MTREX: variants seen among roughly 807,000 people sequenced by gnomAD.
MTREX encodes the protein Mtr4 exosome RNA helicase, also known as exosome RNA helicase MTR4.
A neutral mutation model predicts 135.4 loss-of-function variants in MTREX; 76 were observed. That is an observed-to-expected ratio of 0.56 (90% CI 0.47 to 0.68). The LOEUF (loss-of-function observed/expected upper bound fraction) is 0.68. Ranked by LOEUF, MTREX falls within the 30% of genes least tolerant of loss-of-function variation. MTREX has a pLI of 0.00. For missense variants in MTREX, 920 were observed against 1,262.1 expected, an observed-to-expected ratio of 0.73 and a Z score of 4.11; for synonymous variants, 404 against 401.6, an observed-to-expected ratio of 1.01 and a Z score of -0.07.
chr5:55,330,462 T>C (rs1238615754), intron 5 of MTREX, among the ~76,000 whole-genome samples: 1 of 152,076 alleles, frequency 6.6e-6, no homozygotes. Flanking sequence ...CTTCCTTTTT[T>C]TCGTAATGTT....
intron 24 of MTREX, among the ~76,000 whole-genome samples, chr5:55,414,841 G>A (rs1477522820): frequency 2.6e-5 from 4 of 152,098 alleles, no homozygotes; most frequent in African/African-American, 9.7e-5. Context: ...GTAGAGACGA[G>A]GTTTCACCAT....
intron 16 of MTREX, among the ~76,000 whole-genome samples, chr5:55,375,170 A>G (rs1049706420): frequency 2.6e-5 from 4 of 152,220 alleles, no homozygotes; most frequent in African/African-American, 9.6e-5. Context: ...TAAAATTGCT[A>G]ATGAAGTTTC....
chr5:55,415,921 T>G, intron 24 of MTREX, 49 bp from the exon 25 acceptor site: 1 of 1,321,958 alleles, frequency 7.6e-7, no homozygotes, highest in Non-Finnish European at 1.0e-6. Context: ...AAGAATAAAG[T>G]GATATGGGAG....
At chr5:55,380,026 C>G (rs1579882183) in intron 18 of MTREX, among the ~76,000 whole-genome samples, 4 of 152,292 alleles carry the variant, frequency 2.6e-5, no homozygotes, top group African/African-American at 9.6e-5. Context: ...ATCTCCGCCT[C>G]CCGGTTTCAT....
chr5:55,321,044 T>C (rs1749281543), intron 1 of MTREX, among the ~76,000 whole-genome samples: 2 of 152,212 alleles, frequency 1.3e-5, no homozygotes, highest in Non-Finnish European at 2.9e-5. Flanking sequence ...TAAAATTTTT[T>C]TAGAAAATAG....
At chr5:55,335,169 GGTT>G (rs1477887393) in intron 5 of MTREX, among the ~76,000 whole-genome samples, 2 of 151,914 alleles carry the variant, frequency 1.3e-5, no homozygotes, top group African/African-American at 4.8e-5. Flanking sequence ...TTTTAAATTG[GGTT>G]GTTGGTCTTA....
intron 5 of MTREX, among the ~76,000 whole-genome samples, chr5:55,333,178 G>A (rs1301583212): frequency 6.6e-6 from 1 of 152,158 alleles, no homozygotes; most frequent in African/African-American, 2.4e-5. Flanking sequence ...TCTTCGTTGA[G>A]TTAGAGGAGT....
intron 15 of MTREX, among the ~76,000 whole-genome samples, chr5:55,365,994 A>AAC (rs1750098283): frequency 6.6e-6 from 1 of 152,098 alleles, no homozygotes; most frequent in South Asian, 2.1e-4. Context: ...CCATCTAAAA[A>AAC]AAAAAAAAAA....
chr5:55,321,212 A>T (rs1749284522), intron 1 of MTREX, among the ~76,000 whole-genome samples: 1 of 152,190 alleles, frequency 6.6e-6, no homozygotes, highest in South Asian at 2.1e-4. Flanking sequence ...AGAGTTTCTT[A>T]TAACTTTTAA....
intron 1 of MTREX, among the ~76,000 whole-genome samples, chr5:55,317,037 C>G (rs1266315913): frequency 1.3e-5 from 2 of 151,724 alleles, no homozygotes; most frequent in African/African-American, 2.4e-5. Flanking sequence ...TTGCCACACA[C>G]CTCCCCCCTC....
At chr5:55,329,486 T>A (rs1749435055) in intron 5 of MTREX, 1 of 152,126 alleles carries the variant, frequency 6.6e-6, no homozygotes, top group Non-Finnish European at 1.5e-5. Context: ...GTTTTTGATA[T>A]GTTTCTTAAA....
intron 5 of MTREX, among the ~76,000 whole-genome samples, chr5:55,338,795 T>C (rs1284649189): frequency 1.4e-5 from 2 of 140,492 alleles, no homozygotes; most frequent in African/African-American, 5.3e-5. Flanking sequence ...TCTTTTTTTT[T>C]TTTTTTTTTT....
rs1751083123 is a variant in MTREX, at chr5:55,423,199, A to G, written c.3076+217A>G. 12 of 532,182 alleles carry G rather than the reference A, an allele frequency of 2.3e-5. No homozygotes were observed. In the East Asian group the frequency reaches 3.4e-4, roughly 15 times the overall value. 33.0% of individuals were successfully genotyped at this position (532,182 alleles called of 1,614,324 possible). On this transcript the variant is annotated intron_variant, in intron 26 of 26. Coordinates refer to ENST00000230640, the MANE Select transcript of MTREX (RefSeq NM_015360.5). ...TACGTATATTAATTGTACGCTAACT[A>G]CATGCCAGGCATTGTTTTAAGCACT...
At chr5:55,395,144 G>A (rs1221437323) in intron 19 of MTREX, among the ~76,000 whole-genome samples, 2 of 152,008 alleles carry the variant, frequency 1.3e-5, no homozygotes, top group Non-Finnish European at 2.9e-5. Context: ...GGTGGCTCAC[G>A]CCTTTAATCC....
At chr5:55,328,109 C>T in intron 4 of MTREX, among the ~76,000 whole-genome samples, 1 of 152,112 alleles carries the variant, frequency 6.6e-6, no homozygotes, top group East Asian at 1.9e-4. Flanking sequence ...TCTAATGAAA[C>T]CGGAACTCTG....
At chr5:55,387,168 A>G (rs1750493215) in intron 18 of MTREX, among the ~76,000 whole-genome samples, 1 of 152,068 alleles carries the variant, frequency 6.6e-6, no homozygotes, top group African/African-American at 2.4e-5. Context: ...GGAAATTTGA[A>G]CTCAATGATT....
chr5:55,401,409 T>G (rs531926190), intron 21 of MTREX, among the ~76,000 whole-genome samples: 1 of 152,252 alleles, frequency 6.6e-6, no homozygotes, highest in Non-Finnish European at 1.5e-5. Flanking sequence ...ACAGGACATT[T>G]GTTTTTTTCT....
At chr5:55,334,011 A>G (rs544911906) in intron 5 of MTREX, among the ~76,000 whole-genome samples, 1 of 152,252 alleles carries the variant, frequency 6.6e-6, no homozygotes, top group African/African-American at 2.4e-5. Flanking sequence ...ACTCTGCCAT[A>G]AAAAGGAATA....
At chr5:55,328,659 T>C in intron 4 of MTREX, 40 bp from the exon 5 acceptor site, 1 of 1,345,458 alleles carries the variant, frequency 7.4e-7, no homozygotes, top group South Asian at 1.2e-5. Flanking sequence ...CTGATACAAC[T>C]AGATGTTTTT....
Sources: allele counts gnomAD v4.1 joint callset (sites outside exome capture counted in the v4.1 genomes callset), GRCh38; gene constraint gnomAD v4.1.1; transcripts MANE v1.5; gene names NCBI Gene and HGNC (gene_info 2026-07-23, HGNC 2026-07-21).